BFSP2: variants seen among roughly 807,000 people sequenced by gnomAD.
BFSP2 encodes phakinin.
BFSP2 carries 38 observed loss-of-function variants against 44.9 expected under a neutral mutation model. That is an observed-to-expected ratio of 0.85 (90% CI 0.65 to 1.11). BFSP2 has a LOEUF of 1.11. Ranked by LOEUF, BFSP2 falls within the 50% of genes least tolerant of loss-of-function variation. The pLI, the probability that BFSP2 is intolerant of heterozygous loss-of-function variation, is 0.00. For missense variants in BFSP2, 525 were observed against 533.0 expected, an observed-to-expected ratio of 0.99 and a Z score of 0.15; for synonymous variants, 197 against 209.9, an observed-to-expected ratio of 0.94 and a Z score of 0.53.
intron 1 of BFSP2, among the ~76,000 whole-genome samples, chr3:133,424,218 T>TGTG (rs1473665826): frequency 0.19 from 12,211 of 64,718 alleles, 718 homozygotes; most frequent in Middle Eastern, 0.35. Context: ...GCTAATTTTT[T>TGTG]TTTTTTTTTT....
At chr3:133,436,118 CTT>C (rs1051517907) in intron 1 of BFSP2, among the ~76,000 whole-genome samples, 32 of 152,014 alleles carry the variant, frequency 2.1e-4, no homozygotes, top group African/African-American at 7.7e-4. Context: ...AATCTCAGCA[CTT>C]TTGGAGGCCG....
intron 1 of BFSP2, among the ~76,000 whole-genome samples, chr3:133,414,259 T>C (rs2073485396): frequency 5.0e-5 from 1 of 20,002 alleles, no homozygotes; most frequent in Non-Finnish European, 8.3e-5. Flanking sequence ...CTGTCCCCCC[T>C]ACTCACCCCG....
intron 3 of BFSP2, among the ~76,000 whole-genome samples, chr3:133,449,982 A>AAGGAAGGAAGGAAGGAAGG (rs1212404887): frequency 7.0e-5 from 6 of 86,284 alleles, no homozygotes; most frequent in Admixed American, 1.2e-4. Flanking sequence ...GGAAAGAAGG[A>AAGGAAGGAAGGAAGGAAGG]AAGGAAGGAA....
intron 1 of BFSP2, among the ~76,000 whole-genome samples, chr3:133,403,994 G>A (rs1027144571): frequency 1.2e-5 from 1 of 83,238 alleles, no homozygotes; most frequent in East Asian, 2.7e-4. Flanking sequence ...TCCTGGGGAG[G>A]GGGGAATCTT....
intron 1 of BFSP2, among the ~76,000 whole-genome samples, chr3:133,435,794 T>G (rs1231850790): frequency 6.6e-6 from 1 of 152,250 alleles, no homozygotes; most frequent in Non-Finnish European, 1.5e-5. Context: ...TTTTATTCTT[T>G]CTTAAATGAA....
chr3:133,441,707 G>A (rs1326199285), intron 1 of BFSP2, among the ~76,000 whole-genome samples: 1 of 152,104 alleles, frequency 6.6e-6, no homozygotes, highest in African/African-American at 2.4e-5. Context: ...TGCTAGGGAT[G>A]GAACAACAAA....
At chr3:133,441,884 A>C (rs1384752894) in intron 1 of BFSP2, among the ~76,000 whole-genome samples, 3 of 152,246 alleles carry the variant, frequency 2.0e-5, no homozygotes, top group African/African-American at 7.2e-5. Context: ...TGCTCGCAGT[A>C]AGGTGACCAG....
chr3:133,441,643 T>C (rs557890881), intron 1 of BFSP2, among the ~76,000 whole-genome samples: 1 of 152,190 alleles, frequency 6.6e-6, no homozygotes, highest in African/African-American at 2.4e-5. Context: ...CATAAAGAGG[T>C]AGCACTACTG....
At chr3:133,459,231 C>A (rs35207395) in intron 4 of BFSP2, among the ~76,000 whole-genome samples, 3 of 152,166 alleles carry the variant, frequency 2.0e-5, no homozygotes, top group Admixed American at 2.0e-4. Context: ...GTAGTCCTAG[C>A]TACTCAGGAG....
At chr3:133,427,947 T>C (rs2073668885) in intron 1 of BFSP2, among the ~76,000 whole-genome samples, 1 of 152,210 alleles carries the variant, frequency 6.6e-6, no homozygotes, top group Admixed American at 6.5e-5. Context: ...TATGAGGCCA[T>C]TCCTTGTATG....
intron 4 of BFSP2, 148 bp downstream of exon 4, chr3:133,450,612 AT>A (rs2073954774): frequency 1.0e-6 from 1 of 984,432 alleles, no homozygotes; most frequent in Non-Finnish European, 1.5e-6. Context: ...GAAAATTAAA[AT>A]AATAGCTTTT....
intron 1 of BFSP2, among the ~76,000 whole-genome samples, chr3:133,427,000 G>C (rs897104858): frequency 2.6e-5 from 4 of 152,208 alleles, no homozygotes; most frequent in Non-Finnish European, 4.4e-5. Flanking sequence ...CTCTCATGAT[G>C]AGAGGATTAT....
intron 5 of BFSP2, among the ~76,000 whole-genome samples, chr3:133,469,353 C>A (rs531518055): frequency 2.6e-5 from 4 of 152,344 alleles, no homozygotes; most frequent in African/African-American, 4.8e-5. Context: ...ACACACAAGG[C>A]CCCCGCAGCT....
At chr3:133,439,568 G>A (rs2107914547) in intron 1 of BFSP2, among the ~76,000 whole-genome samples, 1 of 152,342 alleles carries the variant, frequency 6.6e-6, no homozygotes, top group South Asian at 2.1e-4. Flanking sequence ...CACAGCCTGA[G>A]CCAGGGTTTG....
chr3:133,435,139 A>G lies in BFSP2; in HGVS notation c.490-12178A>G, dbSNP rs372405159. 6.6e-5 allele frequency among the ~76,000 whole-genome samples: 10 copies of G among 152,234 alleles called. No individual in the cohort carries two copies. The East Asian group carries it at 1.5e-3, about 23-fold the overall frequency. ...ATCAGGACTGTAAGGTGGACGCCTAATGATTTTCTACTGAAACTCTTGCAA... is the reference window on the plus strand; with the variant it reads ...ATCAGGACTGTAAGGTGGACGCCTAGTGATTTTCTACTGAAACTCTTGCAA... On this transcript the variant is annotated intron_variant, in intron 1 of 6. Coordinates refer to ENST00000302334, the MANE Select transcript of BFSP2 (RefSeq NM_003571.4).
intron 1 of BFSP2, chr3:133,404,886 G>A (rs1242704336): frequency 6.6e-6 from 1 of 152,192 alleles, no homozygotes; most frequent in Non-Finnish European, 1.5e-5. Context: ...GCTAAGTGGT[G>A]AAAACGGACA....
In BFSP2 at chr3:133,450,484, T is replaced by A. The variant is rs948671064; in HGVS notation, c.891+20T>A. ...GCTAAGGTGAGAGGCAGGACCAGCA[T>A]CCTCCACTCTGCCCTATGCAGAAGG... is the stretch of plus-strand genomic sequence containing the variant. On this transcript the variant is annotated intron_variant, in intron 4 of 6. Transcript: ENST00000302334. 3 of 1,613,596 alleles carry A rather than the reference T, an allele frequency of 1.9e-6. No individual in the cohort carries two copies. Among genetic ancestry groups the A allele is most frequent in the South Asian group, 1.1e-5 (1 of 91,060 alleles).
intron 1 of BFSP2, among the ~76,000 whole-genome samples, chr3:133,416,411 A>C (rs576118972): frequency 4.1e-3 from 362 of 88,306 alleles, no homozygotes; most frequent in African/African-American, 4.7e-3. Context: ...TTTCCCCTCT[A>C]CTCTCCCCTA....
intron 1 of BFSP2, among the ~76,000 whole-genome samples, chr3:133,431,806 A>T (rs147225429): frequency 0.066 from 10,054 of 151,470 alleles, 998 homozygotes; most frequent in African/African-American, 0.22. Context: ...AAACTCCCCA[A>T]CTCTGGTGCC....
Sources: allele counts gnomAD v4.1 joint callset (sites outside exome capture counted in the v4.1 genomes callset), GRCh38; gene constraint gnomAD v4.1.1; transcripts MANE v1.5; gene names NCBI Gene and HGNC (gene_info 2026-07-23, HGNC 2026-07-21).